PRELID2: variants seen among roughly 807,000 people sequenced by gnomAD.
PRELID2 encodes PRELI domain containing 2.
PRELID2 carries 25 observed loss-of-function variants against 28.4 expected under a neutral mutation model. The ratio of observed to expected loss-of-function variants is 0.88; its 90% CI spans 0.64 to 1.23. The LOEUF (loss-of-function observed/expected upper bound fraction) is 1.23, where lower values mean the gene tolerates loss of function less well. Ranked by LOEUF, PRELID2 falls within the 50% of genes most tolerant of loss-of-function variation. PRELID2 has a pLI of 0.00. For missense variants in PRELID2, 201 were observed against 214.4 expected, an observed-to-expected ratio of 0.94 and a Z score of 0.39; for synonymous variants, 76 against 71.6, an observed-to-expected ratio of 1.06 and a Z score of -0.31.
intron 1 of PRELID2, among the ~76,000 whole-genome samples, chr5:145,678,741 G>A (rs1329256180): frequency 6.6e-6 from 1 of 152,102 alleles, no homozygotes; most frequent in African/African-American, 2.4e-5. Flanking sequence ...CTTACACCGA[G>A]CCTTAATGTC....
At chr5:145,549,762 T>C (rs903691471) in intron 1 of PRELID2, among the ~76,000 whole-genome samples, 1 of 150,548 alleles carries the variant, frequency 6.6e-6, no homozygotes, top group African/African-American at 2.5e-5. Flanking sequence ...GCCACTGCAC[T>C]CCAGCCTGGG....
In PRELID2 at chr5:145,790,112, A is replaced by G. The variant is rs184570689; in HGVS notation, c.474+6330T>C. On this transcript the variant is annotated intron_variant, in intron 5 of 6. Transcript: ENST00000683046. The stretch of plus-strand genomic sequence containing the variant: ...AAGTTCCTCAAAAAACACAAAATAG[A>G]ACTACCATATGATCCAGCAATCCCA... Among the ~76,000 whole-genome samples, 442 of 152,308 alleles carry G rather than the reference A, an allele frequency of 2.9e-3. 5 individuals are homozygous for G. The highest frequency in any genetic ancestry group is 0.01 in the African/African-American group (430 of 41,568).
At chr5:145,314,558 A>AT in the PRELID2 span, among the ~76,000 whole-genome samples, 19 of 151,112 alleles carry the variant, frequency 1.3e-4, no homozygotes, top group African/African-American at 2.7e-4. Flanking sequence ...AGGAACTTTT[A>AT]TTTTTTTTTC....
chr5:145,298,592 G>A, the PRELID2 span, among the ~76,000 whole-genome samples: 3 of 152,044 alleles, frequency 2.0e-5, no homozygotes, highest in Admixed American at 1.3e-4. Context: ...GGACAAGTTT[G>A]GGCCCCTTAT....
At chr5:145,833,896 T>C (rs1390166517) in intron 1 of PRELID2, among the ~76,000 whole-genome samples, 1 of 152,220 alleles carries the variant, frequency 6.6e-6, no homozygotes, top group South Asian at 2.1e-4. Flanking sequence ...CTTCATCTTA[T>C]AGATGTGGAA....
chr5:145,501,681 CCT>C (rs1424907974), intron 1 of PRELID2, among the ~76,000 whole-genome samples: 5 of 152,228 alleles, frequency 3.3e-5, no homozygotes, highest in Admixed American at 1.3e-4. Flanking sequence ...ATCCATTAAA[CCT>C]CTTTTTCTTT....
chr5:145,449,394 T>C, the PRELID2 span, among the ~76,000 whole-genome samples: 1,035 of 152,178 alleles, frequency 6.8e-3, 4 homozygotes, highest in Non-Finnish European at 7.6e-3. Flanking sequence ...AGTTTAGCTG[T>C]CCAGTGGCTG....
chr5:145,703,025 A>T (rs575121422), intron 1 of PRELID2, among the ~76,000 whole-genome samples: 1 of 152,228 alleles, frequency 6.6e-6, no homozygotes, highest in Non-Finnish European at 1.5e-5. Context: ...AAAAATGCAC[A>T]CTAGACATGC....
the PRELID2 span, among the ~76,000 whole-genome samples, chr5:145,247,474 T>C: frequency 6.6e-6 from 1 of 152,058 alleles, no homozygotes; most frequent in African/African-American, 2.4e-5. Context: ...AGGTGAGAAG[T>C]CTTAGGAAAT....
chr5:145,412,862 A>G, the PRELID2 span, among the ~76,000 whole-genome samples: 28 of 152,296 alleles, frequency 1.8e-4, no homozygotes, highest in South Asian at 2.7e-3. Context: ...GCACGTCTTC[A>G]CAGGGTGGCA....
chr5:145,473,049 C>A (rs1224025874), intron 2 of PRELID2, among the ~76,000 whole-genome samples: 1 of 152,154 alleles, frequency 6.6e-6, no homozygotes, highest in Non-Finnish European at 1.5e-5. Context: ...ATTTAAATTT[C>A]TTTTACTGTG....
At chr5:145,379,741 A>C in the PRELID2 span, among the ~76,000 whole-genome samples, 1 of 152,224 alleles carries the variant, frequency 6.6e-6, no homozygotes, top group Non-Finnish European at 1.5e-5. Context: ...CTACAGCATA[A>C]GGAGGGAGCA....
At chr5:145,742,239 AT>A (rs940989709) in intron 1 of PRELID2, among the ~76,000 whole-genome samples, 21 of 140,420 alleles carry the variant, frequency 1.5e-4, no homozygotes, top group Non-Finnish European at 2.9e-4. Context: ...AATAAAATAT[AT>A]TTTTATATAA....
the PRELID2 span, chr5:145,230,062 T>C: frequency 4.5e-6 from 3 of 672,406 alleles, no homozygotes; most frequent in East Asian, 3.0e-5. Flanking sequence ...TAGACCCCTG[T>C]ACCATGAGGA....
At chr5:145,770,429 A>T (rs1435592312) in intron 5 of PRELID2, among the ~76,000 whole-genome samples, 1 of 152,186 alleles carries the variant, frequency 6.6e-6, no homozygotes, top group African/African-American at 2.4e-5. Flanking sequence ...ACTTGAGTTC[A>T]GGAGTTTGAG....
chr5:145,629,452 G>A (rs1462816852), intron 1 of PRELID2, among the ~76,000 whole-genome samples: 1 of 152,196 alleles, frequency 6.6e-6, no homozygotes, highest in Non-Finnish European at 1.5e-5. Context: ...ACGTATCACT[G>A]ATGAGAGGAG....
chr5:145,541,073 G>T (rs1486159684), intron 1 of PRELID2, among the ~76,000 whole-genome samples: 9 of 151,930 alleles, frequency 5.9e-5, no homozygotes, highest in African/African-American at 2.4e-5. Context: ...CTGAAGCAGG[G>T]TGGTAGGTAT....
At chr5:145,797,889 G>C (rs1752875494) in intron 4 of PRELID2, among the ~76,000 whole-genome samples, 1 of 151,874 alleles carries the variant, frequency 6.6e-6, no homozygotes, top group South Asian at 2.1e-4. Flanking sequence ...AAGAAACAGA[G>C]ATCTATGAAT....
chr5:145,315,457 A>G, the PRELID2 span, among the ~76,000 whole-genome samples: 1 of 152,094 alleles, frequency 6.6e-6, no homozygotes, highest in Non-Finnish European at 1.5e-5. Flanking sequence ...TAGAATGAAG[A>G]ATTATGAACA....
Sources: gnomAD v4.1 joint callset for allele counts (sites outside exome capture counted in the v4.1 genomes callset) on GRCh38, gnomAD v4.1.1 for gene constraint, MANE v1.5 for transcripts, NCBI Gene and HGNC (gene_info 2026-07-23, HGNC 2026-07-21) for gene names.